ROBO2: variants seen among roughly 807,000 people sequenced by gnomAD.
ROBO2 encodes the protein roundabout homolog 2.
Under a neutral mutation model 160.8 loss-of-function variants are expected in ROBO2, and 53 were observed. The ratio of observed to expected loss-of-function variants is 0.33; its 90% CI spans 0.26 to 0.41. ROBO2 has a LOEUF of 0.41. Among genes scored for constraint, ROBO2 ranks in the 10% least tolerant of loss-of-function variants. The pLI is 1.00. For synonymous variants in ROBO2, 664 were observed against 611.7 expected, an observed-to-expected ratio of 1.09 and a Z score of -1.26; for missense variants, 1,577 against 1,722.4, an observed-to-expected ratio of 0.92 and a Z score of 1.49.
chr3:75,984,606 C>T (rs1287578312), intron 2 of ROBO2, among the ~76,000 whole-genome samples: 1 of 151,318 alleles, frequency 6.6e-6, no homozygotes, highest in East Asian at 1.9e-4. Flanking sequence ...AGGATAATAA[C>T]AATACAAATT....
intron 2 of ROBO2, among the ~76,000 whole-genome samples, chr3:76,859,216 C>T (rs2070468386): frequency 6.6e-6 from 1 of 152,102 alleles, no homozygotes; most frequent in African/African-American, 2.4e-5. Flanking sequence ...AAATGATATG[C>T]TGACAAAAAT....
intron 2 of ROBO2, among the ~76,000 whole-genome samples, chr3:76,781,947 C>T (rs1279884140): frequency 6.6e-6 from 1 of 150,642 alleles, no homozygotes; most frequent in East Asian, 2.0e-4. Context: ...GGCATTAATT[C>T]TTTAATGTTT....
intron 2 of ROBO2, among the ~76,000 whole-genome samples, chr3:76,960,656 C>G (rs1399047718): frequency 6.6e-6 from 1 of 152,048 alleles, no homozygotes; most frequent in Non-Finnish European, 1.5e-5. Context: ...ATTTAACGTT[C>G]TTGTGAATTT....
chr3:76,243,016 C>A (rs1705391341), intron 2 of ROBO2, among the ~76,000 whole-genome samples: 1 of 152,144 alleles, frequency 6.6e-6, no homozygotes, highest in Non-Finnish European at 1.5e-5. Flanking sequence ...CGCTTCTAGG[C>A]CTTTACTGGC....
At chr3:77,280,196 C>T (rs182493189) in intron 2 of ROBO2, among the ~76,000 whole-genome samples, 9 of 152,234 alleles carry the variant, frequency 5.9e-5, no homozygotes, top group East Asian at 1.9e-4. Context: ...AATGCATGAT[C>T]GCTAACCCAT....
chr3:77,292,001 A>G (rs1418098988), intron 2 of ROBO2, among the ~76,000 whole-genome samples: 1 of 151,692 alleles, frequency 6.6e-6, no homozygotes, highest in Non-Finnish European at 1.5e-5. Context: ...TTAAACGGGT[A>G]AGCTGAGGCT....
chr3:76,439,216 A>C (rs1484606477), intron 2 of ROBO2, among the ~76,000 whole-genome samples: 1 of 152,138 alleles, frequency 6.6e-6, no homozygotes, highest in African/African-American at 2.4e-5. Context: ...TGTGAATCAA[A>C]AGAAACAAAG....
intron 2 of ROBO2, among the ~76,000 whole-genome samples, chr3:77,442,702 G>A (rs2080080508): frequency 6.6e-6 from 1 of 152,060 alleles, no homozygotes; most frequent in Admixed American, 6.6e-5. Context: ...TTGAGTACCA[G>A]GGTTCACATG....
In ROBO2 at chr3:75,918,666, G is replaced by A. The variant is rs550849456; in HGVS notation, c.-14+11706G>A. Among the ~76,000 whole-genome samples the A allele has an allele frequency of 2.2e-4, 34 of 152,238 alleles. No individual in the cohort carries two copies. In the East Asian group the frequency reaches 6.6e-3, roughly 29 times the overall value. On this transcript the variant is annotated intron_variant, in intron 1 of 26. Coordinates refer to the ROBO2 transcript ENST00000487694. ...TGATATTGAGTCTTCCTATCCATGA[G>A]GATGGAATGTTTCTCTATATGTTTG...
At chr3:77,010,251 T>C (rs2061801109) in intron 2 of ROBO2, among the ~76,000 whole-genome samples, 2 of 152,084 alleles carry the variant, frequency 1.3e-5, no homozygotes, top group South Asian at 4.1e-4. Flanking sequence ...ACCAAGAACT[T>C]GATTCCCCTC....
upstream of ROBO2, among the ~76,000 whole-genome samples, chr3:77,038,867 G>A (rs1419450875): frequency 6.6e-6 from 1 of 152,204 alleles, no homozygotes; most frequent in Non-Finnish European, 1.5e-5. Context: ...GCTTCCATGA[G>A]CTCAGCTGGG....
chr3:77,553,483 G>A (rs2092996555), intron 8 of ROBO2, among the ~76,000 whole-genome samples: 1 of 151,994 alleles, frequency 6.6e-6, no homozygotes, highest in South Asian at 2.1e-4. Flanking sequence ...AAAGGCTTAA[G>A]TTTAGTGAGG....
intron 2 of ROBO2, among the ~76,000 whole-genome samples, chr3:76,759,654 T>A (rs2061187884): frequency 6.6e-6 from 1 of 151,804 alleles, no homozygotes; most frequent in Non-Finnish European, 1.5e-5. Flanking sequence ...CAGAAATGTC[T>A]GTCTCCTCGG....
chr3:76,727,833 G>A (rs913187773), intron 2 of ROBO2, among the ~76,000 whole-genome samples: 5 of 152,026 alleles, frequency 3.3e-5, no homozygotes, highest in African/African-American at 4.8e-5. Context: ...TCTCGTGTTC[G>A]ATGGCATGGT....
intron 2 of ROBO2, among the ~76,000 whole-genome samples, chr3:76,205,230 CTGT>C (rs1702742872): frequency 6.6e-6 from 1 of 152,156 alleles, no homozygotes; most frequent in Non-Finnish European, 1.5e-5. Context: ...CCCAGCTCTG[CTGT>C]TGTTATTATT....
intron 2 of ROBO2, among the ~76,000 whole-genome samples, chr3:75,939,128 G>A (rs1363671346): frequency 6.6e-6 from 1 of 151,788 alleles, no homozygotes; most frequent in Non-Finnish European, 1.5e-5. Flanking sequence ...ACAAGAATAT[G>A]TAGACAGCCG....
chr3:77,545,028 G>T (rs1320897543), intron 6 of ROBO2, among the ~76,000 whole-genome samples: 1 of 151,834 alleles, frequency 6.6e-6, no homozygotes, highest in Admixed American at 6.6e-5. Context: ...TTCTGTCGGA[G>T]TTACTTATGT....
chr3:76,080,478 C>T (rs1424177785), intron 2 of ROBO2, among the ~76,000 whole-genome samples: 1 of 152,186 alleles, frequency 6.6e-6, no homozygotes, highest in Non-Finnish European at 1.5e-5. Context: ...GAGCACAACA[C>T]ATTCTTTTTC....
chr3:77,159,425 GATACACCTA>G (rs2078295180), intron 2 of ROBO2, among the ~76,000 whole-genome samples: 1 of 152,086 alleles, frequency 6.6e-6, no homozygotes, highest in Non-Finnish European at 1.5e-5. Flanking sequence ...CAGGTTCCCT[GATACACCTA>G]ATGTAGATGT....
Sources: gnomAD v4.1 joint callset for allele counts (sites outside exome capture counted in the v4.1 genomes callset) on GRCh38, gnomAD v4.1.1 for gene constraint, MANE v1.5 for transcripts, NCBI Gene and HGNC (gene_info 2026-07-23, HGNC 2026-07-21) for gene names.